DTHD1: variants seen among roughly 807,000 people sequenced by gnomAD.
The protein encoded by DTHD1 is death domain containing 1.
A neutral mutation model predicts 74.8 loss-of-function variants in DTHD1; 59 were observed. That is an observed-to-expected ratio of 0.79 (90% CI 0.64 to 0.98). The LOEUF is 0.98. DTHD1 is among the 50% of genes least tolerant of loss of function. The pLI is 0.00. For missense variants in DTHD1, 1,051 were observed against 1,065.4 expected, an observed-to-expected ratio of 0.99 and a Z score of 0.19; for synonymous variants, 365 against 371.1, an observed-to-expected ratio of 0.98 and a Z score of 0.19.
Position 36,281,936 on chromosome 4 carries a change from C to G in DTHD1, c.178C>G (p.Gln60Glu). The change falls in exon 1 of 10, where the codon CAG becomes GAG. Residue 60 changes from glutamine (Q) to glutamate (E), a missense_variant. Transcript: ENST00000639862. ...TCAGGAACTCAGCAGTGCCCTTCAC[C>G]AGCTGCTGGAGCACACCTCAGGCAC... ...LGQELSSALH[Q>E]LLEHTSGTLR... 7.4e-7 allele frequency: 1 copy of G among 1,357,808 alleles called. No individual in the cohort carries two copies. Among genetic ancestry groups the G allele is most frequent in the Admixed American group, 3.0e-5 (1 of 33,520 alleles). The allele number at this position is 1,357,808 out of a possible 1,614,324, so 84.1% of individuals were successfully genotyped here.
At position 36,343,488 on chromosome 4, in the gene DTHD1, C is replaced by T. The variant is rs958644908; in HGVS notation, c.2399-14C>T. 9.7e-6 allele frequency: 15 copies of T among 1,547,984 alleles called. No individual in the cohort carries two copies. The Admixed American group carries it at 1.2e-4, about 12-fold the overall frequency. On this transcript the variant is annotated splice_polypyrimidine_tract_variant and intron_variant, in intron 9 of 9. Coordinates refer to ENST00000639862, the MANE Select transcript of DTHD1 (RefSeq NM_001170700.3). ...GAGGGTCCTAACCGTGAGTGTTCCT[C>T]CTGTGCCTGACAGAAGCCCTTTGGG...
chr4:36,291,342 A>G (rs1756065116), intron 3 of DTHD1, among the ~76,000 whole-genome samples: 2 of 152,220 alleles, frequency 1.3e-5, no homozygotes, highest in Admixed American at 1.3e-4. Context: ...GATAAACATG[A>G]TAATAGTGTC....
intron 2 of DTHD1, 142 bp from the exon 3 acceptor site, chr4:36,290,231 A>G (rs755258298): frequency 8.4e-5 from 67 of 797,116 alleles, no homozygotes; most frequent in Non-Finnish European, 1.3e-4. Context: ...GAGGCTGAGG[A>G]TCTTGCCCAA....
intron 8 of DTHD1, among the ~76,000 whole-genome samples, chr4:36,332,003 C>T (rs577501390): frequency 3.3e-5 from 5 of 152,124 alleles, no homozygotes; most frequent in South Asian, 4.2e-4. Flanking sequence ...GCATTCTGGC[C>T]GGGCGCAGTA....
rs552889329 is a variant in DTHD1, at chr4:36,346,512, A to T, written c.*2688A>T. On this transcript the variant is annotated 3_prime_UTR_variant, in exon 10 of 10. Coordinates refer to ENST00000639862, the MANE Select transcript of DTHD1 (RefSeq NM_001170700.3). ...GAAAACAATTGATCATCCCTGCAGCATCTCCTCTCTTAAGATAATCCAGGA... is the reference window on the plus strand; with the variant it reads ...GAAAACAATTGATCATCCCTGCAGCTTCTCCTCTCTTAAGATAATCCAGGA... 2.0e-5 allele frequency among the ~76,000 whole-genome samples: 3 copies of T among 152,176 alleles called. No homozygotes were observed. In the South Asian group the frequency reaches 6.2e-4, roughly 32 times the overall value.
intron 6 of DTHD1, 77 bp downstream of exon 6, chr4:36,306,429 G>C: frequency 5.9e-6 from 8 of 1,351,910 alleles, no homozygotes; most frequent in Non-Finnish European, 7.8e-6. Flanking sequence ...AAATGGAATA[G>C]TAAGATTAAA....
chr4:36,287,920 C>T (rs1020568782), intron 2 of DTHD1, among the ~76,000 whole-genome samples: 1 of 152,088 alleles, frequency 6.6e-6, no homozygotes. Context: ...AAGATTTTCT[C>T]CCACTCTGTT....
intron 1 of DTHD1, among the ~76,000 whole-genome samples, chr4:36,282,618 G>A (rs1325519650): frequency 6.6e-6 from 1 of 152,122 alleles, no homozygotes; most frequent in Non-Finnish European, 1.5e-5. Flanking sequence ...GTACAGTAAG[G>A]CAGGAAGAAT....
At position 36,343,598 on chromosome 4, in the gene DTHD1, CCATTCAGCT is replaced by C. The variant is rs774117772; in HGVS notation, c.2499_2507del (p.Gln834_Ile836del). 103 of 1,551,838 alleles carry C rather than the reference CCATTCAGCT, an allele frequency of 6.6e-5. No homozygotes were observed. The Admixed American group carries it at 9.6e-4, about 14-fold the overall frequency. On this transcript the variant is annotated inframe_deletion, in exon 10 of 10. Transcript: ENST00000639862. ...TCAACTCTCCCTCTGCGCCGTAGCA[CCATTCAGCT>C]CATCAAACTCAAGAACCCTGATGAT... is the stretch of plus-strand genomic sequence containing the variant.
At chr4:36,301,991 T>C (rs1326430760) in intron 5 of DTHD1, among the ~76,000 whole-genome samples, 1 of 152,158 alleles carries the variant, frequency 6.6e-6, no homozygotes, top group Non-Finnish European at 1.5e-5. Flanking sequence ...GTTCTAGCAC[T>C]GTGAAAATTT....
At chr4:36,314,069 G>GTTTTTTT (rs375245524) in intron 7 of DTHD1, among the ~76,000 whole-genome samples, 2 of 138,990 alleles carry the variant, frequency 1.4e-5, no homozygotes, top group Non-Finnish European at 1.6e-5. Flanking sequence ...CTAGGAATCT[G>GTTTTTTT]TTTTTTTTTT....
At chr4:36,338,848 T>A (rs1359893832) in intron 8 of DTHD1, among the ~76,000 whole-genome samples, 1 of 152,162 alleles carries the variant, frequency 6.6e-6, no homozygotes, top group Non-Finnish European at 1.5e-5. Flanking sequence ...AAAATGTTCA[T>A]TTAGAGTTAA....
chr4:36,323,968 C>A (rs1015312561), intron 8 of DTHD1, among the ~76,000 whole-genome samples: 3 of 152,170 alleles, frequency 2.0e-5, no homozygotes, highest in African/African-American at 4.8e-5. Context: ...GTTCCACTTT[C>A]CTACAGGCAA....
At chr4:36,304,113 G>A (rs1445152415) in intron 5 of DTHD1, among the ~76,000 whole-genome samples, 1 of 152,152 alleles carries the variant, frequency 6.6e-6, no homozygotes, top group Non-Finnish European at 1.5e-5. Context: ...ATACCCAATG[G>A]TCCTGGGAGT....
In DTHD1 at chr4:36,344,235, A is replaced by G. The variant is rs1759479963; in HGVS notation, c.*411A>G. ...CCCAAAAATATCTGAGACAGTTCTCAATCAATTTAGAAAGATTATTTTGCC... is the reference window on the plus strand; with the variant it reads ...CCCAAAAATATCTGAGACAGTTCTCGATCAATTTAGAAAGATTATTTTGCC... On this transcript the variant is annotated 3_prime_UTR_variant, in exon 10 of 10. Transcript: ENST00000639862. 1 of 174,898 alleles carries G rather than the reference A, an allele frequency of 5.7e-6. No homozygotes were observed. The highest frequency in any genetic ancestry group is 1.2e-5 in the Non-Finnish European group (1 of 80,844). The allele number at this position is 174,898 out of a possible 1,614,324, so 10.8% of individuals were successfully genotyped here.
chr4:36,287,401 G>A (rs778213454), intron 2 of DTHD1, among the ~76,000 whole-genome samples: 1 of 152,146 alleles, frequency 6.6e-6, no homozygotes, highest in Admixed American at 6.5e-5. Context: ...GGGCATTTGG[G>A]CTGGTTCCAT....
At chr4:36,298,395 T>C (rs1279432371) in intron 5 of DTHD1, among the ~76,000 whole-genome samples, 1 of 152,200 alleles carries the variant, frequency 6.6e-6, no homozygotes, top group Non-Finnish European at 1.5e-5. Flanking sequence ...CATCTGCACT[T>C]TTTGACAATG....
intron 2 of DTHD1, among the ~76,000 whole-genome samples, chr4:36,288,860 T>C (rs1366215532): frequency 1.4e-5 from 2 of 147,970 alleles, no homozygotes; most frequent in Non-Finnish European, 1.5e-5. Flanking sequence ...GAGTCATTCC[T>C]AAAGTTATAC....
intron 8 of DTHD1, among the ~76,000 whole-genome samples, chr4:36,323,466 T>C (rs547589234): frequency 8.9e-4 from 136 of 152,156 alleles, no homozygotes; most frequent in Middle Eastern, 3.4e-3. Flanking sequence ...CATTAAAAAA[T>C]GTTTACATCC....
Sources: gnomAD v4.1 joint callset for allele counts (sites outside exome capture counted in the v4.1 genomes callset) on GRCh38, gnomAD v4.1.1 for gene constraint, MANE v1.5 for transcripts, NCBI Gene and HGNC (gene_info 2026-07-23, HGNC 2026-07-21) for gene names.